Variants in CD38 observed in about 807,000 individuals in gnomAD.
CD38 encodes the protein CD38 molecule, also known as ADP-ribosyl cyclase/cyclic ADP-ribose hydrolase 1.
CD38 carries 31 observed loss-of-function variants against 36.3 expected under a neutral mutation model. The observed-to-expected ratio is 0.85, with a 90% CI of 0.64 to 1.15. The LOEUF (loss-of-function observed/expected upper bound fraction) is 1.15. CD38 is among the 50% of genes most tolerant of loss of function. CD38 has a pLI of 0.00. For missense variants in CD38, 380 were observed against 371.9 expected, an observed-to-expected ratio of 1.02 and a Z score of -0.18; for synonymous variants, 131 against 135.2, an observed-to-expected ratio of 0.97 and a Z score of 0.22.
chr4:15,825,303 A>C (rs1723824336), intron 3 of CD38: 1 of 353,078 alleles, frequency 2.8e-6, no homozygotes, highest in African/African-American at 2.1e-5. Context: ...ACTCATGGAG[A>C]AGGGGAAGGG....
chr4:15,832,554 T>C (rs1258466236), intron 3 of CD38, among the ~76,000 whole-genome samples: 4 of 152,198 alleles, frequency 2.6e-5, no homozygotes, highest in African/African-American at 9.6e-5. Context: ...AAGGATTCTC[T>C]GGATTACCAG....
At chr4:15,814,262 G>T (rs1723534806) in intron 1 of CD38, among the ~76,000 whole-genome samples, 1 of 152,298 alleles carries the variant, frequency 6.6e-6, no homozygotes, top group South Asian at 2.1e-4. Flanking sequence ...AGAAGCATCT[G>T]TTAATACCCT....
chr4:15,831,283 G>T (rs1464365531), intron 3 of CD38, among the ~76,000 whole-genome samples: 1 of 152,038 alleles, frequency 6.6e-6, no homozygotes, highest in African/African-American at 2.4e-5. Context: ...TCATCATTTA[G>T]TTTTTCTACT....
intron 1 of CD38, among the ~76,000 whole-genome samples, chr4:15,790,324 C>T (rs1486937711): frequency 4.6e-5 from 7 of 152,124 alleles, no homozygotes; most frequent in South Asian, 2.1e-4. Context: ...CTGCGCACGC[C>T]GCCACGCCTG....
chr4:15,820,622 T>A (rs1239062169), intron 2 of CD38, among the ~76,000 whole-genome samples: 1 of 151,580 alleles, frequency 6.6e-6, no homozygotes, highest in Non-Finnish European at 1.5e-5. Flanking sequence ...AGGGGTAAAT[T>A]CAACAAGAAG....
At chr4:15,803,712 A>T (rs926815865) in intron 1 of CD38, among the ~76,000 whole-genome samples, 1 of 152,198 alleles carries the variant, frequency 6.6e-6, no homozygotes, top group Non-Finnish European at 1.5e-5. Context: ...GGTGTATTGC[A>T]TGATGTTGAG....
Position 15,849,334 on chromosome 4 carries a change from G to A in CD38, c.*732G>A, listed in dbSNP as rs1244445593. The A allele has an allele frequency of 6.6e-6, 1 of 152,166 alleles. No homozygotes were observed. Among genetic ancestry groups the A allele is most frequent in the Non-Finnish European group, 1.5e-5 (1 of 68,028 alleles). The allele number at this position is 152,166 out of a possible 1,614,324, so 9.4% of individuals were successfully genotyped here. ...CCGTAAGTCCTACATTTAGTATCAA[G>A]CTAGAGACTGAATTTGAACTCAACT... On this transcript the variant is annotated 3_prime_UTR_variant, in exon 8 of 8. Transcript: ENST00000226279.
chr4:15,825,949 ACTT>A (rs1723835672), intron 3 of CD38: 1 of 150,188 alleles, frequency 6.7e-6, no homozygotes, highest in Non-Finnish European at 1.5e-5. Context: ...TGCAGTTTTC[ACTT>A]CTTTTTTTTT....
At chr4:15,799,701 C>T (rs1329483361) in intron 1 of CD38, among the ~76,000 whole-genome samples, 1 of 152,110 alleles carries the variant, frequency 6.6e-6, no homozygotes, top group Non-Finnish European at 1.5e-5. Context: ...CATTAGTGTA[C>T]AAGTTATTGT....
chr4:15,780,245 T>C (rs1348470075), intron 1 of CD38, among the ~76,000 whole-genome samples: 1 of 152,196 alleles, frequency 6.6e-6, no homozygotes, highest in African/African-American at 2.4e-5. Context: ...CCAAAATAGT[T>C]GTGCCATTTT....
At chr4:15,816,683 G>T in intron 2 of CD38, 43 bp downstream of exon 2, 1 of 1,607,444 alleles carries the variant, frequency 6.2e-7, no homozygotes, top group East Asian at 2.2e-5. Flanking sequence ...GGGGATAAAA[G>T]CCAATGGTAA....
Position 15,838,667 on chromosome 4 carries a change from C to T in CD38, c.659+502C>T, listed in dbSNP as rs187979476. On this transcript the variant is annotated intron_variant, in intron 5 of 7. Transcript: ENST00000226279. ...GGAACTGTGCTGGGCTCTTGGCCTTCACTATCTTTTTGCAGACATTGTCAA... is the reference window on the plus strand; with the variant it reads ...GGAACTGTGCTGGGCTCTTGGCCTTTACTATCTTTTTGCAGACATTGTCAA... Among the ~76,000 whole-genome samples, 42 of 152,306 alleles carry T rather than the reference C, an allele frequency of 2.8e-4. No individual in the cohort carries two copies. The East Asian group carries it at 7.9e-3, about 29-fold the overall frequency.
Position 15,825,099 on chromosome 4 carries a change from T to C in CD38, c.499+83T>C, listed in dbSNP as rs1577654299. 6 of 1,421,368 alleles carry C rather than the reference T, an allele frequency of 4.2e-6. No individual in the cohort carries two copies. The Admixed American group carries it at 1.0e-4, about 24-fold the overall frequency. 88.0% of individuals were successfully genotyped at this position (1,421,368 alleles called of 1,614,324 possible). ...TCTGCTGGAGGCCCTGAATGATTAG[T>C]GTGGAGGACAGAGCCACAGGCACCC... On this transcript the variant is annotated intron_variant, in intron 3 of 7. Transcript: ENST00000226279.
At chr4:15,799,775 G>C (rs147151906) in intron 1 of CD38, among the ~76,000 whole-genome samples, 1 of 152,304 alleles carries the variant, frequency 6.6e-6, no homozygotes, top group African/African-American at 2.4e-5. Flanking sequence ...TTAAGTTCCA[G>C]CTCCATTTTT....
chr4:15,816,764 G>A (rs1283798794), intron 2 of CD38, 124 bp downstream of exon 2: 1 of 1,068,362 alleles, frequency 9.4e-7, no homozygotes, highest in Admixed American at 1.7e-5. Context: ...TGTGAGTGTG[G>A]TTGGTAGGAA....
At chr4:15,836,386 C>T (rs1161359335) in intron 4 of CD38, among the ~76,000 whole-genome samples, 3 of 152,116 alleles carry the variant, frequency 2.0e-5, no homozygotes, top group Admixed American at 6.5e-5. Flanking sequence ...CCCTTAGGGC[C>T]CAATTATCTC....
In CD38 at chr4:15,838,230, T is replaced by C. The variant is rs1410315314; in HGVS notation, c.659+65T>C. The C allele has an allele frequency of 4.9e-6, 6 of 1,214,322 alleles. No individual in the cohort carries two copies. The African/African-American group carries it at 7.5e-5, about 15-fold the overall frequency. The allele number at this position is 1,214,322 out of a possible 1,614,324, so 75.2% of individuals were successfully genotyped here. ...TGCAAATATCACAGTGAATATTTCATCTCTAGAAAGAATATGCTTTTCATG... is the reference window on the plus strand; with the variant it reads ...TGCAAATATCACAGTGAATATTTCACCTCTAGAAAGAATATGCTTTTCATG... On this transcript the variant is annotated intron_variant, in intron 5 of 7. Coordinates refer to ENST00000226279, the MANE Select transcript of CD38 (RefSeq NM_001775.4).
chr4:15,810,712 TA>T (rs1404032654), intron 1 of CD38, among the ~76,000 whole-genome samples: 1 of 152,140 alleles, frequency 6.6e-6, no homozygotes, highest in Non-Finnish European at 1.5e-5. Flanking sequence ...GAAGTGGAAA[TA>T]TGGTGCACAG....
chr4:15,848,618 T>G lies in CD38; in HGVS notation c.*16T>G. The G allele has an allele frequency of 4.4e-6, 7 of 1,608,890 alleles. No homozygotes were observed. The highest frequency in any genetic ancestry group is 5.1e-6 in the Non-Finnish European group (6 of 1,175,354). ...TGAGATCTGAGCCAGTCGCTGTGGT[T>G]GTTTTAGCTCCTTGACTCCTTGTGG... On this transcript the variant is annotated 3_prime_UTR_variant, in exon 8 of 8. Coordinates refer to ENST00000226279, the MANE Select transcript of CD38 (RefSeq NM_001775.4).
Sources: allele counts gnomAD v4.1 joint callset (sites outside exome capture counted in the v4.1 genomes callset), GRCh38; gene constraint gnomAD v4.1.1; transcripts MANE v1.5; gene names NCBI Gene and HGNC (gene_info 2026-07-23, HGNC 2026-07-21).